Variants in TAFA1 observed in about 807,000 individuals in gnomAD.
TAFA1 encodes TAFA chemokine like family member 1.
In TAFA1, 4 loss-of-function variants were observed where a neutral mutation model predicts 18.5. The ratio of observed to expected loss-of-function variants is 0.22; its 90% CI spans 0.11 to 0.49. The LOEUF (loss-of-function observed/expected upper bound fraction) is 0.49, where lower values mean the gene tolerates loss of function less well. TAFA1 is among the 20% of genes least tolerant of loss of function. The pLI, the probability that TAFA1 is intolerant of heterozygous loss-of-function variation, is 0.98. For missense variants in TAFA1, 147 were observed against 169.0 expected, an observed-to-expected ratio of 0.87 and a Z score of 0.72; for synonymous variants, 56 against 55.2, an observed-to-expected ratio of 1.01 and a Z score of -0.06.
intron 3 of TAFA1, among the ~76,000 whole-genome samples, chr3:68,454,232 C>G (rs910774553): frequency 1.3e-5 from 2 of 152,106 alleles, no homozygotes; most frequent in African/African-American, 4.8e-5. Flanking sequence ...TACTAAGTCC[C>G]TTAAATATTC....
chr3:68,306,643 C>T (rs1480328792), intron 2 of TAFA1, among the ~76,000 whole-genome samples: 1 of 152,132 alleles, frequency 6.6e-6, no homozygotes, highest in Non-Finnish European at 1.5e-5. Context: ...CTCCGAGGAG[C>T]TAAAGCTGGT....
intron 3 of TAFA1, among the ~76,000 whole-genome samples, chr3:68,521,720 C>A (rs1463777023): frequency 6.6e-6 from 1 of 151,812 alleles, no homozygotes; most frequent in Non-Finnish European, 1.5e-5. Context: ...TAAACTAAAT[C>A]AAGTAACAAT....
At chr3:68,318,413 A>T (rs1345825407) in intron 2 of TAFA1, among the ~76,000 whole-genome samples, 1 of 152,224 alleles carries the variant, frequency 6.6e-6, no homozygotes, top group Non-Finnish European at 1.5e-5. Context: ...TGTTAGACAG[A>T]CATTTATTAA....
intron 2 of TAFA1, among the ~76,000 whole-genome samples, chr3:68,024,652 T>C (rs1395668516): frequency 6.6e-6 from 1 of 152,140 alleles, no homozygotes; most frequent in Admixed American, 6.6e-5. Flanking sequence ...GCTGCTTTCT[T>C]GCTGATGGTT....
At chr3:67,998,068 A>AC in the TAFA1 span, among the ~76,000 whole-genome samples, 169 of 152,142 alleles carry the variant, frequency 1.1e-3, 1 homozygote, top group African/African-American at 3.8e-3. Context: ...AACAAAAAAA[A>AC]CCATATATTA....
intron 2 of TAFA1, among the ~76,000 whole-genome samples, chr3:68,352,512 G>A (rs2069287338): frequency 6.6e-6 from 1 of 152,042 alleles, no homozygotes. Context: ...GATTCCTCTG[G>A]TGCCATATCT....
At chr3:68,396,998 C>G (rs1575832553) in intron 2 of TAFA1, among the ~76,000 whole-genome samples, 1 of 152,252 alleles carries the variant, frequency 6.6e-6, no homozygotes, top group East Asian at 1.9e-4. Context: ...CAATCTCCAG[C>G]CATACTTAGT....
At chr3:68,327,939 A>G (rs180792244) in intron 2 of TAFA1, among the ~76,000 whole-genome samples, 1 of 152,304 alleles carries the variant, frequency 6.6e-6, no homozygotes, top group East Asian at 1.9e-4. Flanking sequence ...GTAGCATTTT[A>G]TGGTATGGAG....
intron 2 of TAFA1, among the ~76,000 whole-genome samples, chr3:68,092,084 T>C (rs190304977): frequency 3.9e-5 from 6 of 152,260 alleles, no homozygotes; most frequent in African/African-American, 4.8e-5. Flanking sequence ...AATTCTGTAA[T>C]AAGCCCTCTC....
At chr3:68,040,452 G>T (rs1705139765) in intron 2 of TAFA1, among the ~76,000 whole-genome samples, 1 of 152,134 alleles carries the variant, frequency 6.6e-6, no homozygotes, top group Non-Finnish European at 1.5e-5. Context: ...CCTAGTCTCT[G>T]ATTTAATGAC....
chr3:68,378,926 C>T (rs1001071333), intron 2 of TAFA1, among the ~76,000 whole-genome samples: 3 of 152,174 alleles, frequency 2.0e-5, no homozygotes, highest in Non-Finnish European at 4.4e-5. Context: ...TAAGACCTCC[C>T]AGCCATGTGG....
intron 2 of TAFA1, among the ~76,000 whole-genome samples, chr3:68,205,847 G>A (rs184240556): frequency 7.9e-5 from 12 of 151,860 alleles, no homozygotes; most frequent in Admixed American, 7.2e-4. Context: ...ATAAAAAAGG[G>A]AAAAGTTAAA....
At chr3:68,200,427 A>G (rs891396738) in intron 2 of TAFA1, among the ~76,000 whole-genome samples, 1 of 151,590 alleles carries the variant, frequency 6.6e-6, no homozygotes, top group African/African-American at 2.4e-5. Context: ...TTCCTTAAAC[A>G]TTTGATAGAA....
chr3:68,496,672 A>G (rs1300069055), intron 3 of TAFA1, among the ~76,000 whole-genome samples: 1 of 152,172 alleles, frequency 6.6e-6, no homozygotes, highest in Non-Finnish European at 1.5e-5. Flanking sequence ...AGATGTTGTC[A>G]AGCACAGTGG....
intron 2 of TAFA1, among the ~76,000 whole-genome samples, chr3:68,186,750 A>G (rs936351357): frequency 3.6e-4 from 54 of 151,992 alleles, no homozygotes; most frequent in African/African-American, 1.2e-3. Flanking sequence ...TTCATCGAAC[A>G]TTGGTGTGTG....
At chr3:68,268,013 T>C (rs1032988816) in intron 2 of TAFA1, among the ~76,000 whole-genome samples, 5 of 152,212 alleles carry the variant, frequency 3.3e-5, no homozygotes, top group African/African-American at 4.8e-5. Context: ...TCTCTTGCCA[T>C]TGACAGCCCA....
upstream of TAFA1, among the ~76,000 whole-genome samples, chr3:68,000,966 C>T (rs1704277321): frequency 6.6e-6 from 1 of 152,086 alleles, no homozygotes; most frequent in South Asian, 2.1e-4. Flanking sequence ...GATATTAAAT[C>T]AGCTATGGAT....
chr3:68,453,226 A>G (rs1475426936), intron 3 of TAFA1, among the ~76,000 whole-genome samples: 1 of 152,176 alleles, frequency 6.6e-6, no homozygotes, highest in African/African-American at 2.4e-5. Context: ...TTGACAAGAG[A>G]GCCATTGCAG....
chr3:68,161,605 T>C (rs190974063), intron 2 of TAFA1, among the ~76,000 whole-genome samples: 44 of 152,364 alleles, frequency 2.9e-4, no homozygotes, highest in Non-Finnish European at 2.8e-4. Flanking sequence ...CAAAATAATC[T>C]TTAAGGTAGG....
Sources: gnomAD v4.1 joint callset for allele counts (sites outside exome capture counted in the v4.1 genomes callset) on GRCh38, gnomAD v4.1.1 for gene constraint, MANE v1.5 for transcripts, NCBI Gene and HGNC (gene_info 2026-07-23, HGNC 2026-07-21) for gene names.